Variants in MUC17 observed in about 807,000 individuals in gnomAD.
MUC17 encodes mucin 17, cell surface associated, also known as mucin-17.
In MUC17, 190 loss-of-function variants were observed where a neutral mutation model predicts 170.3. That is an observed-to-expected ratio of 1.12 (90% CI 0.99 to 1.26). The LOEUF (loss-of-function observed/expected upper bound fraction) is 1.26. MUC17 is among the 50% of genes most tolerant of loss of function. The probability of loss-of-function intolerance (pLI) is 0.00; values close to 1 mark genes in which losing one functional copy is unlikely to be tolerated. For synonymous variants in MUC17, 2,325 were observed against 2,002.5 expected (o/e 1.16, Z -4.30); for missense variants, 6,415 against 5,530.0 (o/e 1.16, Z -5.08).
chr7:101,055,410 A>G (rs2116485361), intron 11 of MUC17, among the ~76,000 whole-genome samples: 1 of 152,306 alleles, frequency 6.6e-6, no homozygotes, highest in African/African-American at 2.4e-5. Flanking sequence ...AGGCACATAA[A>G]CTTTAAAGCA....
In MUC17 at chr7:101,040,337, G is replaced by A. The variant is rs535974335; in HGVS notation, c.8921G>A (p.Gly2974Asp). 76 of 1,612,144 alleles carry A rather than the reference G, an allele frequency of 4.7e-5. 3 individuals are homozygous for A. The Admixed American group carries it at 1.0e-3, about 21-fold the overall frequency. ...AGTTCTTCTCCTACAACTGCTGAAG[G>A]TACCAGCATGCCAATCTCAACTCCT... ...EASSSPTTAE[G>D]TSMPISTPGE... Residue 2974 changes from glycine to aspartate, a missense_variant, in exon 3 of 13, where the codon GGT (glycine) becomes GAT (aspartate). Gly to Asp is a moderately conservative substitution (Grantham distance 94). Transcript: ENST00000306151.
chr7:101,038,216 C>G lies in MUC17; in HGVS notation c.6800C>G (p.Thr2267Ser). 1.2e-6 allele frequency: 2 copies of G among 1,613,924 alleles called. No homozygotes were observed. Among genetic ancestry groups the G allele is most frequent in the Non-Finnish European group, 1.7e-6 (2 of 1,179,994 alleles). ...TCATCTCCTACAACTGCTGAAGGTACCAGCATACCAACTTCAACTCTTAGT... is the reference window on the plus strand; with the variant it reads ...TCATCTCCTACAACTGCTGAAGGTAGCAGCATACCAACTTCAACTCTTAGT... ...ATSSPTTAEGTSIPTSTLSEG... is the reference protein window; with the variant it reads ...ATSSPTTAEGSSIPTSTLSEG... The change falls in exon 3 of 13, where the codon ACC becomes AGC. Residue 2267 changes from threonine (T) to serine (S), a missense_variant. Coordinates refer to ENST00000306151, the MANE Select transcript of MUC17 (RefSeq NM_001040105.2).
In MUC17 at chr7:101,036,611, C is replaced by A; in HGVS notation, c.5195C>A (p.Thr1732Lys). 6.2e-7 allele frequency: 1 copy of A among 1,613,346 alleles called. No individual in the cohort carries two copies. The highest frequency in any genetic ancestry group is 8.5e-7 in the Non-Finnish European group (1 of 1,179,622). ...TCTACTGAAGCCCGTTCATCTCCTA[C>A]AACTTCTGAAGGTACCAGCATGCCA... ...TTSTEARSSP[T>K]TSEGTSMPNS... Residue 1732 changes from threonine to lysine, a missense_variant, in exon 3 of 13, where the codon ACA becomes AAA. Coordinates refer to ENST00000306151, the MANE Select transcript of MUC17 (RefSeq NM_001040105.2).
In MUC17 at chr7:101,040,085, C is replaced by A. The variant is rs559056555; in HGVS notation, c.8669C>A (p.Ser2890Ter). The A allele has an allele frequency of 6.2e-5, 100 of 1,613,106 alleles. 1 individual carries two copies. Among genetic ancestry groups the A allele is most frequent in the Admixed American group, 3.2e-4 (19 of 59,774 alleles). The change falls in exon 3 of 13, where the codon TCA (serine) becomes TAA (stop). Residue 2890 changes from serine to a stop codon, truncating the protein, a stop_gained. Transcript: ENST00000306151. LOFTEE classifies it high-confidence loss of function. ...GCCAGTTCTGAGGCTAGCACCCTTT[C>A]AACAACTCCTGTTGATACCAGCATA... ...PVASSEASTLSTTPVDTSIPV... is the reference protein window; with the variant it reads ...PVASSEASTL
Position 101,040,171 on chromosome 7 carries a change from C to T in MUC17, c.8755C>T (p.Pro2919Ser), listed in dbSNP as rs753731770. 14 of 1,613,052 alleles carry T rather than the reference C, an allele frequency of 8.7e-6. No homozygotes were observed. Among genetic ancestry groups the T allele is most frequent in the Admixed American group, 5.0e-5 (3 of 59,760 alleles). The stretch of plus-strand genomic sequence containing the variant: ...TACAACTGCTGAAGGTACCAGCATG[C>T]CAATCTCAACTCCTAGTGAAGTAAG... ...SPTTAEGTSM[P>S]ISTPSEVSTP... Residue 2919 changes from proline (P) to serine (S), a missense_variant, in exon 3 of 13, where the codon CCA (proline) becomes TCA (serine). Pro to Ser is a moderately conservative substitution (Grantham distance 74). Transcript: ENST00000306151.
Position 101,041,447 on chromosome 7 carries a change from A to C in MUC17, c.10031A>C (p.Asn3344Thr), listed in dbSNP as rs776365477. 1.1e-5 allele frequency: 18 copies of C among 1,608,380 alleles called. No individual in the cohort carries two copies. The highest frequency in any genetic ancestry group is 1.5e-5 in the Non-Finnish European group (18 of 1,178,394). The part of the protein sequence containing the change: ...TYSEGSTPLT[N>T]MSFSTTPVVS... Reference sequence around the variant, plus strand: ...AGTGAAGGAAGCACTCCACTAACAAATATGTCTTTCAGCACCACGCCAGTG... The same window carrying C: ...AGTGAAGGAAGCACTCCACTAACAACTATGTCTTTCAGCACCACGCCAGTG... Residue 3344 changes from asparagine (N) to threonine (T), a missense_variant, in exon 3 of 13, where the codon AAT becomes ACT. Physicochemically the swap from Asn to Thr is moderately conservative, Grantham distance 65. Transcript: ENST00000306151.
rs372527914 is a variant in MUC17, at chr7:101,038,980, G to A, written c.7564G>A (p.Val2522Ile). 1 of 1,614,052 alleles carries A rather than the reference G, an allele frequency of 6.2e-7. No homozygotes were observed. The highest frequency in any genetic ancestry group is 1.1e-5 in the South Asian group (1 of 91,064). The change falls in exon 3 of 13, where the codon GTC (valine) becomes ATC (isoleucine). Residue 2522 changes from valine (V) to isoleucine (I), a missense_variant. Transcript: ENST00000306151. ...AAGTACTCTATTAACAAGTATACCT[G>A]TCAGCACCACGCCAGTGGCCAGTCC... ...EGSTLLTSIPVSTTPVASPEA... is the reference protein window; with the variant it reads ...EGSTLLTSIPISTTPVASPEA...
In MUC17 at chr7:101,037,642, A is replaced by T; in HGVS notation, c.6226A>T (p.Thr2076Ser). 6.2e-7 allele frequency: 1 copy of T among 1,613,814 alleles called. No individual in the cohort carries two copies. Among genetic ancestry groups the T allele is most frequent in the South Asian group, 1.1e-5 (1 of 91,064 alleles). Residue 2076 changes from threonine (T) to serine (S), a missense_variant, in exon 3 of 13, where the codon ACC becomes TCC. By Grantham distance (58) the Thr-to-Ser change is moderately conservative. Coordinates refer to ENST00000306151, the MANE Select transcript of MUC17 (RefSeq NM_001040105.2). ...TTPVDSKTQV[T>S]NSTEASSSAT... Reference sequence around the variant, plus strand: ...TCCTGTTGACTCCAAAACTCAGGTGACCAATTCTACTGAAGCCAGTTCATC... The same window carrying T: ...TCCTGTTGACTCCAAAACTCAGGTGTCCAATTCTACTGAAGCCAGTTCATC...
chr7:101,043,481 C>T lies in MUC17; in HGVS notation c.12065C>T (p.Thr4022Ile), dbSNP rs1170333152. ...STPRTTSRGC[T>I]TSASTLSATS... is the part of the protein sequence containing the mutation. ...CCCAGAACAACCAGCAGAGGCTGCA[C>T]TACTTCTGCATCAACGCTTTCTGCA... Residue 4022 changes from threonine (T) to isoleucine (I), a missense_variant, in exon 3 of 13, where the codon ACT becomes ATT. Transcript: ENST00000306151. 1.2e-6 allele frequency: 2 copies of T among 1,614,248 alleles called. No homozygotes were observed. The highest frequency in any genetic ancestry group is 1.7e-6 in the Non-Finnish European group (2 of 1,180,050).
chr7:101,027,125 T>C (rs1328375060), intron 1 of MUC17, among the ~76,000 whole-genome samples: 1 of 152,152 alleles, frequency 6.6e-6, no homozygotes, highest in Non-Finnish European at 1.5e-5. Context: ...GACCCAGAGC[T>C]TGGGACTATC....
Position 101,041,459 on chromosome 7 carries a change from G to A in MUC17, c.10043G>A (p.Ser3348Asn), listed in dbSNP as rs762733256. 12 of 1,613,860 alleles carry A rather than the reference G, an allele frequency of 7.4e-6. No homozygotes were observed. The Admixed American group carries it at 1.7e-4, about 22-fold the overall frequency. ...GSTPLTNMSF[S>N]TTPVVSSEAS... ...ACTCCACTAACAAATATGTCTTTCA[G>A]CACCACGCCAGTGGTCAGTTCTGAG... The change falls in exon 3 of 13, where the codon AGC becomes AAC. Residue 3348 changes from serine to asparagine, a missense_variant. Transcript: ENST00000306151.
Position 101,042,475 on chromosome 7 carries a change from T to A in MUC17, c.11059T>A (p.Trp3687Arg). ...VTPEGTTMPI[W>R]TPSEGSTPLT... ...TCCTGAAGGTACCACCATGCCAATCTGGACGCCTAGTGAAGGAAGCACTCC... is the reference window on the plus strand; with the variant it reads ...TCCTGAAGGTACCACCATGCCAATCAGGACGCCTAGTGAAGGAAGCACTCC... Residue 3687 changes from tryptophan to arginine, a missense_variant, in exon 3 of 13, where the codon TGG becomes AGG. Physicochemically the swap from Trp to Arg is moderately radical, Grantham distance 101. Coordinates refer to ENST00000306151, the MANE Select transcript of MUC17 (RefSeq NM_001040105.2). The A allele has an allele frequency of 6.2e-7, 1 of 1,613,966 alleles. No individual in the cohort carries two copies. Among genetic ancestry groups the A allele is most frequent in the South Asian group, 1.1e-5 (1 of 91,074 alleles).
At chr7:101,056,160 C>T (rs772437263) in intron 11 of MUC17, 34 bp from the exon 12 acceptor site, 6 of 1,613,192 alleles carry the variant, frequency 3.7e-6, no homozygotes, top group Non-Finnish European at 4.2e-6. Context: ...CTTCTAACCT[C>T]CTGTTTCCAT....
chr7:101,029,813 G>A (rs1377604647), intron 1 of MUC17, among the ~76,000 whole-genome samples: 3 of 151,998 alleles, frequency 2.0e-5, no homozygotes, highest in Non-Finnish European at 4.4e-5. Flanking sequence ...TGGCCAGGCT[G>A]GTCTTGAACT....
Position 101,032,175 on chromosome 7 carries a change from C to T in MUC17, c.759C>T (p.Ala253=). 1 of 1,614,096 alleles carries T rather than the reference C, an allele frequency of 6.2e-7. No homozygotes were observed. The highest frequency in any genetic ancestry group is 2.2e-5 in the East Asian group (1 of 44,870). Residue 253 remains alanine (A), a synonymous_variant, in exon 3 of 13, where the codon GCC becomes GCT. Transcript: ENST00000306151. ...ISTPVTISAQ[A]SSSPTTAEGP... is the part of the protein sequence containing the mutation. ...CACCTGTGACCATTTCTGCTCAAGCCAGTTCATCTCCTACAACTGCTGAAG... is the reference window on the plus strand; with the variant it reads ...CACCTGTGACCATTTCTGCTCAAGCTAGTTCATCTCCTACAACTGCTGAAG...
chr7:101,024,436 T>C (rs1396582797), intron 1 of MUC17, among the ~76,000 whole-genome samples: 3 of 151,228 alleles, frequency 2.0e-5, no homozygotes, highest in East Asian at 1.9e-4. Flanking sequence ...TGCTAATAGC[T>C]GGAACAAAAC....
At position 101,033,884 on chromosome 7, in the gene MUC17, C is replaced by T. The variant is rs755402886; in HGVS notation, c.2468C>T (p.Ala823Val). The T allele has an allele frequency of 3.1e-6, 5 of 1,613,518 alleles. No homozygotes were observed. Among genetic ancestry groups the T allele is most frequent in the Non-Finnish European group, 4.2e-6 (5 of 1,179,696 alleles). The change falls in exon 3 of 13, where the codon GCT becomes GTT. Residue 823 changes from alanine to valine, a missense_variant. Ala to Val is a moderately conservative substitution (Grantham distance 64). Transcript: ENST00000306151. Reference protein sequence around the residue: ...VSITPVTSPEASTLSTTPVDS... With the variant: ...VSITPVTSPEVSTLSTTPVDS... ...ATCACACCGGTGACCAGTCCTGAGGCTAGCACCCTTTCAACAACTCCTGTT... is the reference window on the plus strand; with the variant it reads ...ATCACACCGGTGACCAGTCCTGAGGTTAGCACCCTTTCAACAACTCCTGTT...
rs766285885 is a variant in MUC17, at chr7:101,034,228, A to G, written c.2812A>G (p.Ser938Gly). The change falls in exon 3 of 13, where the codon AGT (serine) becomes GGT (glycine). Residue 938 changes from serine (S) to glycine (G), a missense_variant. Ser to Gly is a moderately conservative substitution (Grantham distance 56, BLOSUM62 0). Transcript: ENST00000306151. ...GCCTGACAGCACCACGCCGGTAGTC[A>G]GTTCTGAGGCTAGAACACTTTCAGC... ...SMPDSTTPVV[S>G]SEARTLSATP... 11 of 1,602,352 alleles carry G rather than the reference A, an allele frequency of 6.9e-6. No homozygotes were observed. Among genetic ancestry groups the G allele is most frequent in the Non-Finnish European group, 7.7e-6 (9 of 1,174,134 alleles).
rs1029204060 is a variant in MUC17 at position 101,050,376 on chromosome 7, C to T, written c.12723-108C>T. On this transcript the variant is annotated intron_variant, in intron 6 of 12. Coordinates refer to ENST00000306151, the MANE Select transcript of MUC17 (RefSeq NM_001040105.2). ...GAGTCATCACCCCAACTGTCCTGCC[C>T]CCAGCTCTGCCTTCCCTTGGGATCA... The T allele has an allele frequency of 3.3e-6, 5 of 1,497,738 alleles. No individual in the cohort carries two copies. In the African/African-American group the frequency reaches 5.6e-5, roughly 17 times the overall value. The allele number at this position is 1,497,738 out of a possible 1,614,324, so 92.8% of individuals were successfully genotyped here. A position where few individuals can be genotyped will look rare whatever the true frequency, so the allele number is the denominator to read the frequency against.
Sources: allele counts gnomAD v4.1 joint callset (sites outside exome capture counted in the v4.1 genomes callset), GRCh38; gene constraint gnomAD v4.1.1; transcripts MANE v1.5; gene names NCBI Gene and HGNC (gene_info 2026-07-23, HGNC 2026-07-21).